Variants in GARRE1 observed in about 807,000 individuals in gnomAD.
GARRE1 encodes the protein granule associated Rac and RHOG effector protein 1.
GARRE1 carries 49 observed loss-of-function variants against 103.2 expected under a neutral mutation model. That is an observed-to-expected ratio of 0.47 (90% CI 0.38 to 0.60). GARRE1 has a LOEUF of 0.60. Among genes scored for constraint, GARRE1 ranks in the 20% least tolerant of loss-of-function variants. The pLI is 0.00. For synonymous variants in GARRE1, 505 were observed against 532.8 expected (o/e 0.95, Z 0.72); for missense variants, 1,199 against 1,370.5 (o/e 0.87, Z 1.98).
rs2074004887 is a variant in GARRE1, at chr19:34,305,772, CTTA to C, written c.495+4807_495+4809del. Among the ~76,000 whole-genome samples the C allele has an allele frequency of 2.0e-5, 3 of 152,304 alleles. No homozygotes were observed. In the South Asian group the frequency reaches 6.2e-4, roughly 32 times the overall value. On this transcript the variant is annotated intron_variant, in intron 2 of 13. Coordinates refer to ENST00000299505, the MANE Select transcript of GARRE1 (RefSeq NM_014686.5). Reference sequence around the variant, plus strand: ...CCACTGAAGCTGAGAACGGGAAATACTTATTGTTGTAGTTTGGAATTTTGACTT... The same window carrying C: ...CCACTGAAGCTGAGAACGGGAAATACTTGTTGTAGTTTGGAATTTTGACTT...
intron 2 of GARRE1, among the ~76,000 whole-genome samples, chr19:34,307,379 G>T (rs1257070849): frequency 6.6e-6 from 1 of 152,018 alleles, no homozygotes. Context: ...TATGTAGGCA[G>T]TCCAGGAACC....
intron 1 of GARRE1, among the ~76,000 whole-genome samples, chr19:34,264,800 G>C (rs1236733758): frequency 1.3e-5 from 2 of 152,126 alleles, no homozygotes; most frequent in South Asian, 2.1e-4. Flanking sequence ...TGGTTGCTCT[G>C]CCTTGATGTT....
chr19:34,331,726 G>T (rs2074138798), intron 7 of GARRE1, among the ~76,000 whole-genome samples: 1 of 152,154 alleles, frequency 6.6e-6, no homozygotes, highest in African/African-American at 2.4e-5. Flanking sequence ...GGGCGTGGTG[G>T]CTCACACCTG....
intron 1 of GARRE1, among the ~76,000 whole-genome samples, chr19:34,268,473 A>G (rs2073766093): frequency 6.6e-6 from 1 of 151,954 alleles, no homozygotes; most frequent in Non-Finnish European, 1.5e-5. Context: ...TTCTAATACT[A>G]GTTTTGTTTT....
intron 1 of GARRE1, among the ~76,000 whole-genome samples, chr19:34,264,090 A>G (rs929229563): frequency 6.6e-6 from 1 of 152,104 alleles, no homozygotes; most frequent in Non-Finnish European, 1.5e-5. Context: ...CATGACCGTA[A>G]GTGTAAAGAT....
At chr19:34,294,365 A>G (rs906463841) in intron 1 of GARRE1, among the ~76,000 whole-genome samples, 5 of 151,940 alleles carry the variant, frequency 3.3e-5, no homozygotes, top group African/African-American at 9.7e-5. Flanking sequence ...CAAGGCTGCA[A>G]TGAGCCATGA....
intron 3 of GARRE1, among the ~76,000 whole-genome samples, chr19:34,324,282 C>G (rs1047878641): frequency 1.3e-5 from 2 of 152,178 alleles, no homozygotes; most frequent in South Asian, 4.1e-4. Context: ...TTCATTCATT[C>G]TAAAAAATTA....
chr19:34,344,539 C>T (rs959887998), intron 10 of GARRE1, among the ~76,000 whole-genome samples: 8 of 146,972 alleles, frequency 5.4e-5, no homozygotes, highest in African/African-American at 2.0e-4. Context: ...TGCAGTGAGC[C>T]GAGATCCCGC....
intron 12 of GARRE1, among the ~76,000 whole-genome samples, chr19:34,351,216 A>AT (rs1347177897): frequency 4.7e-4 from 70 of 149,324 alleles, no homozygotes; most frequent in Non-Finnish European, 6.8e-4. Flanking sequence ...AAAAAAAATA[A>AT]AATAATAATA....
At chr19:34,290,709 G>A (rs1396805915) in intron 1 of GARRE1, among the ~76,000 whole-genome samples, 1 of 151,752 alleles carries the variant, frequency 6.6e-6, no homozygotes, top group Non-Finnish European at 1.5e-5. Flanking sequence ...GGCTGGTCTT[G>A]AACTCCTGGC....
At chr19:34,313,447 A>G (rs993610383) in intron 2 of GARRE1, among the ~76,000 whole-genome samples, 5 of 152,180 alleles carry the variant, frequency 3.3e-5, no homozygotes, top group African/African-American at 4.8e-5. Flanking sequence ...CACTGTGCAG[A>G]TACAGCCGGC....
rs562751689 is a variant in GARRE1 at position 34,310,623 on chromosome 19, G to A, written c.496-9284G>A. ...CCCAGCTGAGCCACCCACCCTCCTC[G>A]ATAAATACACATGAGCTAGCTGCAA... On this transcript the variant is annotated intron_variant, in intron 2 of 13. Transcript: ENST00000299505. 3.3e-5 allele frequency among the ~76,000 whole-genome samples: 5 copies of A among 152,256 alleles called. No individual in the cohort carries two copies. In the South Asian group the frequency reaches 6.2e-4, roughly 19 times the overall value.
chr19:34,255,880 C>T (rs1180637392), intron 1 of GARRE1, among the ~76,000 whole-genome samples: 4 of 151,872 alleles, frequency 2.6e-5, no homozygotes, highest in Non-Finnish European at 5.9e-5. Context: ...CTCCCTCTGT[C>T]ACCCAGGCTG....
intron 12 of GARRE1, among the ~76,000 whole-genome samples, chr19:34,350,823 C>T (rs1207010592): frequency 3.3e-5 from 5 of 152,086 alleles, no homozygotes; most frequent in Admixed American, 3.3e-4. Context: ...CCTCGTGATC[C>T]ACCTACCTCG....
At chr19:34,299,037 G>T (rs949515503) in intron 1 of GARRE1, among the ~76,000 whole-genome samples, 1 of 152,098 alleles carries the variant, frequency 6.6e-6, no homozygotes, top group African/African-American at 2.4e-5. Flanking sequence ...TCTGTAAACC[G>T]CCTGCCAGCC....
At chr19:34,316,173 C>T (rs1254568191) in intron 2 of GARRE1, among the ~76,000 whole-genome samples, 1 of 152,092 alleles carries the variant, frequency 6.6e-6, no homozygotes, top group South Asian at 2.1e-4. Flanking sequence ...TGTTATCATC[C>T]GTAAAATGGG....
At chr19:34,255,776 A>C (rs2073668304) in intron 1 of GARRE1, among the ~76,000 whole-genome samples, 1 of 151,928 alleles carries the variant, frequency 6.6e-6, no homozygotes, top group Non-Finnish European at 1.5e-5. Flanking sequence ...TTGGGATTAC[A>C]AGTGTGAGAT....
At chr19:34,348,787 AT>A in intron 11 of GARRE1, 1 of 523,938 alleles carries the variant, frequency 1.9e-6, no homozygotes. Flanking sequence ...TCTAAAACAA[AT>A]TTCATATACA....
chr19:34,347,759 C>A, intron 10 of GARRE1, 118 bp from the exon 11 acceptor site: 1 of 1,006,042 alleles, frequency 9.9e-7, no homozygotes, highest in Non-Finnish European at 1.4e-6. Flanking sequence ...GGGGCACAAG[C>A]CTGGCAGCTC....
Sources: allele counts gnomAD v4.1 joint callset (sites outside exome capture counted in the v4.1 genomes callset), GRCh38; gene constraint gnomAD v4.1.1; transcripts MANE v1.5; gene names NCBI Gene and HGNC (gene_info 2026-07-23, HGNC 2026-07-21).